MTUS2: variants seen among roughly 807,000 people sequenced by gnomAD.
The protein encoded by MTUS2 is microtubule-associated tumor suppressor candidate 2.
MTUS2 carries 40 observed loss-of-function variants against 114.1 expected under a neutral mutation model. The observed-to-expected ratio is 0.35, with a 90% CI of 0.27 to 0.46. The LOEUF (loss-of-function observed/expected upper bound fraction) is 0.46, where lower values mean the gene tolerates loss of function less well. Ranked by LOEUF, MTUS2 falls within the 20% of genes least tolerant of loss-of-function variation. The probability of loss-of-function intolerance (pLI) is 1.00; values close to 1 mark genes in which losing one functional copy is unlikely to be tolerated. For synonymous variants in MTUS2, 688 were observed against 672.0 expected, an observed-to-expected ratio of 1.02 and a Z score of -0.37; for missense variants, 1,679 against 1,705.4, an observed-to-expected ratio of 0.98 and a Z score of 0.27.
chr13:29,428,843 A>G, intron 8 of MTUS2: 1 of 1,613,896 alleles, frequency 6.2e-7, no homozygotes, highest in South Asian at 1.1e-5. Context: ...GCCTGCCGGG[A>G]TGGGCCATTG....
At chr13:29,380,193 G>C (rs1872095774) in intron 8 of MTUS2, among the ~76,000 whole-genome samples, 1 of 152,116 alleles carries the variant, frequency 6.6e-6, no homozygotes, top group African/African-American at 2.4e-5. Context: ...GGGTGGTCCA[G>C]TCACTCAGTT....
chr13:28,899,454 G>A (rs1449001122), intron 2 of MTUS2, among the ~76,000 whole-genome samples: 2 of 152,140 alleles, frequency 1.3e-5, no homozygotes, highest in East Asian at 1.9e-4. Flanking sequence ...CTGTCGCCCA[G>A]GCTGGAGTGC....
chr13:29,233,346 A>G lies in MTUS2; in HGVS notation c.2645-48358A>G, dbSNP rs573068164. On this transcript the variant is annotated intron_variant, in intron 5 of 15. Coordinates refer to ENST00000612955, the MANE Select transcript of MTUS2 (RefSeq NM_001033602.4). ...CAATCGGTGAGAACAGACTTGTGAT[A>G]TCACCAGGGGGGATGATCACACTGA... Among the ~76,000 whole-genome samples the G allele has an allele frequency of 1.5e-4, 23 of 152,278 alleles. 1 individual carries two copies. The highest frequency in any genetic ancestry group is 3.4e-3 in the Middle Eastern group (1 of 294).
chr13:29,455,268 C>A (rs1442491910), intron 9 of MTUS2, among the ~76,000 whole-genome samples: 1 of 152,162 alleles, frequency 6.6e-6, no homozygotes, highest in Non-Finnish European at 1.5e-5. Context: ...GAAGGGTAGG[C>A]TGCACATATT....
At chr13:29,255,172 G>C (rs1448085978) in intron 5 of MTUS2, among the ~76,000 whole-genome samples, 1 of 152,216 alleles carries the variant, frequency 6.6e-6, no homozygotes, top group Non-Finnish European at 1.5e-5. Flanking sequence ...GCTGGAGGCA[G>C]ATGTAAGCAG....
intron 6 of MTUS2, among the ~76,000 whole-genome samples, chr13:29,319,523 C>T (rs1447207369): frequency 3.9e-5 from 6 of 152,236 alleles, no homozygotes; most frequent in South Asian, 4.1e-4. Context: ...GCAAAATTCC[C>T]GAGGTAGGGC....
chr13:28,897,030 A>G (rs749276036), intron 2 of MTUS2, among the ~76,000 whole-genome samples: 3 of 152,232 alleles, frequency 2.0e-5, no homozygotes, highest in Non-Finnish European at 4.4e-5. Flanking sequence ...AGCAATGGCA[A>G]CAAAAGCCAA....
intron 12 of MTUS2, among the ~76,000 whole-genome samples, chr13:29,493,065 G>C (rs1273211818): frequency 6.6e-6 from 1 of 152,226 alleles, no homozygotes; most frequent in East Asian, 1.9e-4. Context: ...TGGGGGAAGA[G>C]AGTGTTCTAG....
intron 7 of MTUS2, among the ~76,000 whole-genome samples, chr13:29,357,423 T>G (rs1869841405): frequency 6.6e-6 from 1 of 152,228 alleles, no homozygotes; most frequent in African/African-American, 2.4e-5. Context: ...TGTAACAGTG[T>G]CAGGCACCTG....
chr13:28,909,426 G>C (rs113057548), intron 2 of MTUS2, among the ~76,000 whole-genome samples: 3,841 of 151,952 alleles, frequency 0.025, 158 homozygotes, highest in African/African-American at 0.087. Flanking sequence ...AGTTGGATTC[G>C]TAGGTATTTT....
intron 2 of MTUS2, among the ~76,000 whole-genome samples, chr13:28,963,385 T>G (rs1472526085): frequency 2.6e-5 from 4 of 151,948 alleles, no homozygotes; most frequent in Non-Finnish European, 5.9e-5. Flanking sequence ...AAAAAAGAAA[T>G]AGAGTATCTG....
At chr13:28,890,224 A>G (rs1007687414) in intron 2 of MTUS2, among the ~76,000 whole-genome samples, 6 of 152,300 alleles carry the variant, frequency 3.9e-5, no homozygotes, top group African/African-American at 1.4e-4. Flanking sequence ...CTAGACAAGT[A>G]TGTTTCAAAC....
At chr13:29,127,849 CA>C (rs1355832284) in intron 5 of MTUS2, among the ~76,000 whole-genome samples, 2 of 152,226 alleles carry the variant, frequency 1.3e-5, no homozygotes, top group African/African-American at 2.4e-5. Context: ...TCCTGCTAAG[CA>C]GCGTGGTTTT....
chr13:29,335,818 G>T (rs758292305), intron 7 of MTUS2, among the ~76,000 whole-genome samples: 17 of 152,128 alleles, frequency 1.1e-4, no homozygotes, highest in Non-Finnish European at 2.2e-4. Context: ...ATCACTTTCA[G>T]GTACAGTCAA....
At chr13:29,329,810 C>T (rs1900691114) in intron 7 of MTUS2, among the ~76,000 whole-genome samples, 1 of 151,946 alleles carries the variant, frequency 6.6e-6, no homozygotes, top group African/African-American at 2.4e-5. Flanking sequence ...GATGGGGTTT[C>T]ACCATGTTGG....
At chr13:29,387,150 A>G (rs1301447647) in intron 8 of MTUS2, among the ~76,000 whole-genome samples, 1 of 152,202 alleles carries the variant, frequency 6.6e-6, no homozygotes, top group Non-Finnish European at 1.5e-5. Flanking sequence ...GTAAATTCAG[A>G]ACTTTACAGA....
At chr13:28,869,615 C>G (rs1877500252) in intron 2 of MTUS2, among the ~76,000 whole-genome samples, 1 of 151,920 alleles carries the variant, frequency 6.6e-6, no homozygotes, top group Admixed American at 6.6e-5. Context: ...ACTAAAAATA[C>G]AAAAAATTAG....
At chr13:29,017,485 G>A (rs893049452) in intron 2 of MTUS2, among the ~76,000 whole-genome samples, 1 of 152,128 alleles carries the variant, frequency 6.6e-6, no homozygotes. Flanking sequence ...TCAATCTTTC[G>A]AAACCCATGC....
intron 10 of MTUS2, among the ~76,000 whole-genome samples, chr13:29,481,958 T>C (rs561635136): frequency 6.6e-6 from 1 of 152,242 alleles, no homozygotes; most frequent in Admixed American, 6.5e-5. Context: ...CTCCAGTCAG[T>C]AGACATTTGC....
Sources: allele counts gnomAD v4.1 joint callset (sites outside exome capture counted in the v4.1 genomes callset), GRCh38; gene constraint gnomAD v4.1.1; transcripts MANE v1.5; gene names NCBI Gene and HGNC (gene_info 2026-07-23, HGNC 2026-07-21).